The following RAD54B variants were observed in gnomAD, a reference collection of about 807,000 sequenced individuals.
RAD54B encodes the protein RAD54 homolog B.
In RAD54B, 78 loss-of-function variants were observed where a neutral mutation model predicts 95.8. The ratio of observed to expected loss-of-function variants is 0.81; its 90% CI spans 0.68 to 0.98. RAD54B has a LOEUF of 0.98. RAD54B is among the 50% of genes least tolerant of loss of function. The pLI is 0.00. For missense variants in RAD54B, 957 were observed against 1,056.6 expected (o/e 0.91, Z 1.31); for synonymous variants, 328 against 354.9 (o/e 0.92, Z 0.85).
rs1810459184 is a variant in RAD54B at position 94,372,296 on chromosome 8, G to A, written c.2607C>T (p.Ser869=). The A allele has an allele frequency of 1.2e-6, 2 of 1,613,780 alleles. No individual in the cohort carries two copies. The highest frequency in any genetic ancestry group is 2.2e-5 in the East Asian group (1 of 44,800). ...AAAAATGTTTCCATTGCTTCAGCTG[G>A]GACATAGAAAGAGGTTTCAGGGAGT... ...KSNSLKPLSM[S]QLKQWKHFSG... is the part of the protein sequence containing the mutation. The change falls in exon 15 of 15, where the codon TCC becomes TCT. Residue 869 remains serine (S), a synonymous_variant. Transcript: ENST00000336148.
chr8:94,394,242 G>A (rs187325512), intron 8 of RAD54B, among the ~76,000 whole-genome samples: 1 of 152,242 alleles, frequency 6.6e-6, no homozygotes, highest in East Asian at 1.9e-4. Flanking sequence ...GTAAAATGCA[G>A]ATAATAACAG....
intron 11 of RAD54B, among the ~76,000 whole-genome samples, chr8:94,382,559 G>C (rs1421494005): frequency 1.3e-5 from 2 of 152,118 alleles, no homozygotes; most frequent in East Asian, 1.9e-4. Context: ...GTGAAATTCA[G>C]AAAACAGAAA....
rs769456070 is a variant in RAD54B, at chr8:94,404,187, C to A, written c.834G>T (p.Lys278Asn). The change falls in exon 6 of 15, where the codon AAG becomes AAT. Residue 278 changes from lysine (K) to asparagine (N), a missense_variant. Transcript: ENST00000336148. ...PDKNHQWVFN[K>N]NCFPLVDVVI... ...CTACATCCACAAGAGGGAAACAGTT[C>A]TTATTGAATACCCACTGGTGATTCT... is the stretch of plus-strand genomic sequence containing the variant. 6.2e-7 allele frequency: 1 copy of A among 1,611,066 alleles called. No homozygotes were observed. Among genetic ancestry groups the A allele is most frequent in the Admixed American group, 1.7e-5 (1 of 59,722 alleles).
intron 14 of RAD54B, among the ~76,000 whole-genome samples, chr8:94,377,545 GAAAAAAAAAAAAAAAAAAAAAA>G (rs71273330): frequency 1.4e-4 from 10 of 70,582 alleles, no homozygotes; most frequent in African/African-American, 3.6e-4. Flanking sequence ...CCCTGTCTTG[GAAAAAAAAAAAAAAAAAAAAAA>G]AAAAAAAAAA....
At chr8:94,426,282 C>T (rs1434753716) in intron 3 of RAD54B, among the ~76,000 whole-genome samples, 1 of 146,550 alleles carries the variant, frequency 6.8e-6, no homozygotes. Context: ...AAAAAAAAAA[C>T]TCATACCCTG....
intron 12 of RAD54B, among the ~76,000 whole-genome samples, chr8:94,378,917 G>T (rs974469679): frequency 7.9e-5 from 12 of 152,194 alleles, no homozygotes; most frequent in African/African-American, 2.9e-4. Flanking sequence ...AGTATGGACA[G>T]CAAGAATGGA....
rs79979066 is a variant in RAD54B at position 94,386,595 on chromosome 8, C to T, written c.1985+389G>A. 3.3e-4 allele frequency among the ~76,000 whole-genome samples: 19 copies of T among 57,816 alleles called. No individual in the cohort carries two copies. In the Admixed American group the frequency reaches 4.9e-3, roughly 15 times the overall value. The allele number at this position is 57,816 out of a possible 152,430, so 37.9% of individuals were successfully genotyped here. On this transcript the variant is annotated intron_variant, in intron 11 of 14. Transcript: ENST00000336148. ...GTATGGTTGTGTGTGTGTGTGTGTG[C>T]ATGTGTGTGTGCAATAGTTGAAAGT... is the stretch of plus-strand genomic sequence containing the variant.
At chr8:94,389,432 T>G (rs901445817) in intron 10 of RAD54B, among the ~76,000 whole-genome samples, 1 of 152,238 alleles carries the variant, frequency 6.6e-6, no homozygotes, top group Admixed American at 6.5e-5. Context: ...TATTATAATA[T>G]GTACCACTAA....
At chr8:94,390,362 T>G (rs1370481344) in intron 10 of RAD54B, among the ~76,000 whole-genome samples, 5 of 150,904 alleles carry the variant, frequency 3.3e-5, no homozygotes, top group Admixed American at 3.3e-4. Flanking sequence ...TAGCTGGGTG[T>G]GGTGGCAGGC....
chr8:94,379,588 T>C (rs991357298), intron 12 of RAD54B, among the ~76,000 whole-genome samples: 2 of 152,210 alleles, frequency 1.3e-5, no homozygotes, highest in Non-Finnish European at 2.9e-5. Flanking sequence ...AGTTGAGTCC[T>C]TCTAGTGAAT....
intron 3 of RAD54B, among the ~76,000 whole-genome samples, chr8:94,448,129 T>C (rs1812564058): frequency 1.3e-5 from 2 of 152,202 alleles, no homozygotes; most frequent in African/African-American, 4.8e-5. Flanking sequence ...AGGATTCAAA[T>C]GAAAGACAAG....
chr8:94,400,298 C>T lies in RAD54B; in HGVS notation c.1110G>A (p.Trp370Ter), dbSNP rs781224724. Reference protein sequence around the residue: ...IVTPGSLVNNWKKEFQKWLGS... With the variant: ...IVTPGSLVNN The stretch of plus-strand genomic sequence containing the variant: ...CTAGCCATTTTTGAAATTCTTTCTT[C>T]CAATTATTCACCAAGCTTCCAGGTG... Residue 370 changes from tryptophan (W) to a stop codon, truncating the protein, a stop_gained, in exon 7 of 15, where the codon TGG becomes TGA. Coordinates refer to ENST00000336148, the MANE Select transcript of RAD54B (RefSeq NM_012415.3). LOFTEE classifies it high-confidence loss of function. 2.5e-6 allele frequency: 4 copies of T among 1,613,824 alleles called. No individual in the cohort carries two copies. Among genetic ancestry groups the T allele is most frequent in the Non-Finnish European group, 3.4e-6 (4 of 1,179,858 alleles).
intron 2 of RAD54B, among the ~76,000 whole-genome samples, chr8:94,461,411 C>T (rs1209833573): frequency 1.3e-5 from 2 of 151,322 alleles, no homozygotes; most frequent in Admixed American, 6.6e-5. Flanking sequence ...TCAGGTGATC[C>T]GCCTGCCTCA....
intron 3 of RAD54B, among the ~76,000 whole-genome samples, chr8:94,416,886 T>TG (rs1341448785): frequency 1.3e-5 from 2 of 152,118 alleles, no homozygotes; most frequent in Non-Finnish European, 1.5e-5. Flanking sequence ...CCTAAGTATA[T>TG]GCCCAAAAGA....
Position 94,378,265 on chromosome 8 carries a change from T to C in RAD54B, c.2430A>G (p.Lys810=). 6.2e-7 allele frequency: 1 copy of C among 1,613,592 alleles called. No individual in the cohort carries two copies. Among genetic ancestry groups the C allele is most frequent in the Non-Finnish European group, 8.5e-7 (1 of 1,179,734 alleles). ...AACTTTCATGTAATGTGAACAAATT[T>C]TTAAGTTCTTCTACTGAAAACTGAA... ...EHIQFSVEEL[K]NLFTLHESSD... is the part of the protein sequence containing the mutation. The change falls in exon 14 of 15, where the codon AAA becomes AAG. Residue 810 remains lysine (K), a synonymous_variant. Transcript: ENST00000336148.
chr8:94,470,176 G>C (rs959070972), intron 1 of RAD54B, among the ~76,000 whole-genome samples: 4 of 152,164 alleles, frequency 2.6e-5, no homozygotes, highest in Non-Finnish European at 1.5e-5. Flanking sequence ...ATAATCAGCT[G>C]GGCAGGACAC....
intron 3 of RAD54B, among the ~76,000 whole-genome samples, chr8:94,413,698 T>A (rs1289727646): frequency 1.3e-5 from 2 of 152,128 alleles, no homozygotes; most frequent in Non-Finnish European, 2.9e-5. Flanking sequence ...ATTAATCAAC[T>A]TTTATCAGAA....
At chr8:94,378,054 G>A in intron 14 of RAD54B, 126 bp downstream of exon 14, 1 of 619,934 alleles carries the variant, frequency 1.6e-6, no homozygotes, top group Non-Finnish European at 2.6e-6. Context: ...CCTATGAGCT[G>A]AGAAAAAAAT....
At chr8:94,447,482 C>T (rs1037141391) in intron 3 of RAD54B, among the ~76,000 whole-genome samples, 1 of 152,182 alleles carries the variant, frequency 6.6e-6, no homozygotes, top group Non-Finnish European at 1.5e-5. Context: ...CTGGTGGCGT[C>T]TCACAATATT....
Sources: gnomAD v4.1 joint callset for allele counts (sites outside exome capture counted in the v4.1 genomes callset) on GRCh38, gnomAD v4.1.1 for gene constraint, MANE v1.5 for transcripts, NCBI Gene and HGNC (gene_info 2026-07-23, HGNC 2026-07-21) for gene names.